The following ERICH2 variants were observed in gnomAD, a reference collection of about 807,000 sequenced individuals.
ERICH2 encodes the protein glutamate-rich protein 2.
ERICH2 carries 17 observed loss-of-function variants against 17.4 expected under a neutral mutation model. The ratio of observed to expected loss-of-function variants is 0.98; its 90% CI spans 0.67 to 1.47. The LOEUF (loss-of-function observed/expected upper bound fraction) is 1.47. Ranked by LOEUF, ERICH2 falls within the 40% of genes most tolerant of loss-of-function variation. The pLI, the probability that ERICH2 is intolerant of heterozygous loss-of-function variation, is 0.00. For missense variants in ERICH2, 186 were observed against 183.2 expected (o/e 1.01, Z -0.09); for synonymous variants, 51 against 61.1 (o/e 0.83, Z 0.77).
At chr2:170,782,809 G>C (rs1002957286), upstream of ERICH2, among the ~76,000 whole-genome samples, 1 of 152,200 alleles carries the variant, frequency 6.6e-6, no homozygotes. Flanking sequence ...GCCAGCTATA[G>C]TGGCTCATGC....
chr2:170,786,412 A>T (rs184737431), intron 2 of ERICH2, among the ~76,000 whole-genome samples: 52 of 152,122 alleles, frequency 3.4e-4, no homozygotes, highest in Non-Finnish European at 6.0e-4. Context: ...TCTGTATATA[A>T]TATGTCTTAT....
upstream of ERICH2, among the ~76,000 whole-genome samples, chr2:170,780,674 A>G (rs187622744): frequency 6.6e-6 from 1 of 152,266 alleles, no homozygotes; most frequent in African/African-American, 2.4e-5. Flanking sequence ...AACACCTTTT[A>G]CAATCAATGT....
Position 170,792,921 on chromosome 2 carries a change from G to A in ERICH2, c.274+1G>A, listed in dbSNP as rs1293237842. On this transcript the variant is annotated splice_donor_variant, in intron 3 of 4. Coordinates refer to ENST00000409885, the Ensembl canonical transcript of ERICH2. LOFTEE classifies it high-confidence loss of function. ...CTGGCAAAAAAATTATGTCAGATGA[G>A]TAAGTACAAAATACTTTCATATTTT... 2 of 1,493,922 alleles carry A rather than the reference G, an allele frequency of 1.3e-6. No individual in the cohort carries two copies. The highest frequency in any genetic ancestry group is 5.0e-5 in the East Asian group (2 of 39,980). 92.5% of individuals were successfully genotyped at this position (1,493,922 alleles called of 1,614,324 possible). A position where few individuals can be genotyped will look rare whatever the true frequency, so the allele number is the denominator to read the frequency against.
chr2:170,780,713 T>C (rs1410468022), upstream of ERICH2, among the ~76,000 whole-genome samples: 2 of 151,868 alleles, frequency 1.3e-5, no homozygotes, highest in African/African-American at 4.8e-5. Context: ...GGCAATATAT[T>C]TTTCTTTTTT....
chr2:170,777,405 T>C, the ERICH2 span: 2 of 1,176,518 alleles, frequency 1.7e-6, no homozygotes, highest in Non-Finnish European at 2.1e-6. Flanking sequence ...AATGGCAGAT[T>C]GCTAATGTTT....
the ERICH2 span, chr2:170,771,486 G>A: frequency 1.1e-4 from 16 of 152,312 alleles, no homozygotes; most frequent in African/African-American, 3.4e-4. This position sits in a 1 kb window ranked among gnomAD's most constrained non-coding sequence, Gnocchi z 4.8. Context: ...ATTCTGACAG[G>A]CTTGTCTACA....
At chr2:170,790,191 A>C (rs1701253107) in intron 2 of ERICH2, among the ~76,000 whole-genome samples, 1 of 152,252 alleles carries the variant, frequency 6.6e-6, no homozygotes, top group Non-Finnish European at 1.5e-5. Flanking sequence ...ATGAATGTAA[A>C]AGAAAAATAA....
chr2:170,777,628 T>C, the ERICH2 span: 1 of 1,227,310 alleles, frequency 8.1e-7, no homozygotes, highest in Non-Finnish European at 1.0e-6. Context: ...ACTGAGGGTA[T>C]TTTTTTCTCT....
At chr2:170,798,906 A>G in exon 5 of ERICH2, 3 of 1,550,300 alleles carry the variant, frequency 1.9e-6, no homozygotes, top group Non-Finnish European at 2.6e-6. Flanking sequence ...TGTTGCTGCA[A>G]TACTTGAAGC....
exon 2 of ERICH2, chr2:170,784,684 A>G: frequency 2.6e-6 from 4 of 1,540,434 alleles, no homozygotes; most frequent in Non-Finnish European, 3.5e-6. Flanking sequence ...AAAGCAGGAG[A>G]AAAATAATGA....
chr2:170,782,049 A>G (rs1461115818), upstream of ERICH2, among the ~76,000 whole-genome samples: 1 of 152,250 alleles, frequency 6.6e-6, no homozygotes, highest in Non-Finnish European at 1.5e-5. Flanking sequence ...AACAAATGCC[A>G]GTCAGCAATA....
At chr2:170,780,138 G>A (rs1203605449), upstream of ERICH2, among the ~76,000 whole-genome samples, 1 of 151,952 alleles carries the variant, frequency 6.6e-6, no homozygotes. Context: ...AAAGACTTTT[G>A]CATTTCCAAA....
chr2:170,798,787 G>A lies in ERICH2; in HGVS notation c.364G>A (p.Glu122Lys), dbSNP rs1337548241. The stretch of plus-strand genomic sequence containing the variant: ...TGTGGCAGAGAAAACTCAGAATCAT[G>A]AGCAAGACGGTGAAAACAGTGATGA... Residue 122 changes from glutamate to lysine, a missense_variant, in exon 5 of 5, where the codon GAG (glutamate) becomes AAG (lysine). Transcript: ENST00000409885. 7 of 1,550,524 alleles carry A rather than the reference G, an allele frequency of 4.5e-6. No homozygotes were observed. The African/African-American group carries it at 5.5e-5, about 12-fold the overall frequency.
upstream of ERICH2, among the ~76,000 whole-genome samples, chr2:170,779,148 G>A (rs1468708997): frequency 2.6e-5 from 4 of 152,188 alleles, no homozygotes; most frequent in Admixed American, 2.6e-4. Flanking sequence ...TAGTTCTAGA[G>A]AAAAATGATC....
exon 2 of ERICH2, chr2:170,784,673 T>C: frequency 6.5e-7 from 1 of 1,537,494 alleles, no homozygotes; most frequent in Middle Eastern, 1.7e-4. Flanking sequence ...GCAGTCATTG[T>C]AAAGCAGGAG....
rs563510362 is a variant in ERICH2 at position 170,792,016 on chromosome 2, A to C, written c.217-847A>C. ...GAATGTGTCACACACAAGCAAGAAC[A>C]ATCATCAAAGTATAGGGGATTTTTT... On this transcript the variant is annotated intron_variant, in intron 2 of 4. Coordinates refer to ENST00000409885, the Ensembl canonical transcript of ERICH2. 2.4e-3 allele frequency among the ~76,000 whole-genome samples: 364 copies of C among 152,320 alleles called. 2 individuals are homozygous for C. Among genetic ancestry groups the C allele is most frequent in the African/African-American group, 8.3e-3 (347 of 41,572 alleles).
chr2:170,794,057 C>T (rs1398676433), intron 3 of ERICH2, among the ~76,000 whole-genome samples: 1 of 148,574 alleles, frequency 6.7e-6, no homozygotes, highest in East Asian at 2.0e-4. Context: ...TGTTTTCCTT[C>T]CTTTCTTTCT....
chr2:170,798,761 C>T lies in ERICH2; in HGVS notation c.347-9C>T, dbSNP rs1327429094. ...ACACCTTAAGCAATCCTCTTCCTTTCTGTGGCAGAGAAAACTCAGAATCAT... is the reference window on the plus strand; with the variant it reads ...ACACCTTAAGCAATCCTCTTCCTTTTTGTGGCAGAGAAAACTCAGAATCAT... On this transcript the variant is annotated splice_polypyrimidine_tract_variant and intron_variant, in intron 4 of 4. Transcript: ENST00000409885. The T allele has an allele frequency of 1.3e-6, 2 of 1,550,274 alleles. No individual in the cohort carries two copies. The highest frequency in any genetic ancestry group is 2.7e-5 in the African/African-American group (2 of 73,002).
At chr2:170,780,848 T>C (rs1701009412), upstream of ERICH2, among the ~76,000 whole-genome samples, 1 of 152,216 alleles carries the variant, frequency 6.6e-6, no homozygotes, top group Admixed American at 6.5e-5. Flanking sequence ...TGAGAGCATA[T>C]AAATTTTAGT....
Sources: gnomAD v4.1 joint callset for allele counts (sites outside exome capture counted in the v4.1 genomes callset) on GRCh38, gnomAD v4.1.1 for gene constraint, Gnocchi (gnomAD v3.1) non-coding constraint, MANE v1.5 for transcripts, NCBI Gene and HGNC (gene_info 2026-07-23, HGNC 2026-07-21) for gene names.